DPP10: variants seen among roughly 807,000 people sequenced by gnomAD.
DPP10 encodes the protein inactive dipeptidyl peptidase 10.
In DPP10, 33 loss-of-function variants were observed where a neutral mutation model predicts 120.9. The ratio of observed to expected loss-of-function variants is 0.27; its 90% CI spans 0.21 to 0.37. The LOEUF is 0.37. Ranked by LOEUF, DPP10 falls within the 10% of genes least tolerant of loss-of-function variation. The pLI, the probability that DPP10 is intolerant of heterozygous loss-of-function variation, is 1.00. For synonymous variants in DPP10, 337 were observed against 326.1 expected (o/e 1.03, Z -0.36); for missense variants, 816 against 942.8 (o/e 0.87, Z 1.76).
At chr2:115,237,999 G>A (rs951505035) in intron 1 of DPP10, among the ~76,000 whole-genome samples, 5 of 152,202 alleles carry the variant, frequency 3.3e-5, no homozygotes, top group African/African-American at 1.2e-4. Flanking sequence ...GATCATTGCT[G>A]AAGTTGGCCA....
At chr2:115,297,487 C>A (rs988734473) in intron 1 of DPP10, among the ~76,000 whole-genome samples, 1 of 151,690 alleles carries the variant, frequency 6.6e-6, no homozygotes, top group Non-Finnish European at 1.5e-5. Context: ...CTAAAAGTAA[C>A]TTCAAGATGA....
At chr2:115,261,762 A>G (rs533533547) in intron 1 of DPP10, among the ~76,000 whole-genome samples, 13 of 152,296 alleles carry the variant, frequency 8.5e-5, no homozygotes, top group Admixed American at 7.2e-4. Context: ...TGTGTGGCAG[A>G]GTATCTTATT....
intron 1 of DPP10, among the ~76,000 whole-genome samples, chr2:115,178,839 C>G (rs915139029): frequency 6.6e-6 from 1 of 152,162 alleles, no homozygotes; most frequent in Non-Finnish European, 1.5e-5. Flanking sequence ...CATTGTAAAT[C>G]AAAAATATCA....
intron 1 of DPP10, among the ~76,000 whole-genome samples, chr2:114,517,349 C>T (rs991865871): frequency 6.6e-6 from 1 of 152,050 alleles, no homozygotes; most frequent in East Asian, 1.9e-4. Context: ...GGTGAAACCC[C>T]ATCTCTGCTA....
At chr2:114,988,920 A>G (rs931676686) in intron 1 of DPP10, among the ~76,000 whole-genome samples, 2 of 152,150 alleles carry the variant, frequency 1.3e-5, no homozygotes, top group Admixed American at 6.5e-5. Flanking sequence ...ATTCGAATGC[A>G]AAGATATTTA....
At chr2:114,931,828 G>T (rs1696091631) in intron 1 of DPP10, among the ~76,000 whole-genome samples, 1 of 152,180 alleles carries the variant, frequency 6.6e-6, no homozygotes, top group Non-Finnish European at 1.5e-5. Flanking sequence ...GTAAAATGTT[G>T]GAGGTCCAGT....
At chr2:115,264,014 G>A (rs2059360205) in intron 1 of DPP10, among the ~76,000 whole-genome samples, 1 of 151,972 alleles carries the variant, frequency 6.6e-6, no homozygotes, top group Admixed American at 6.6e-5. Flanking sequence ...AGAAAAAAAT[G>A]GAAGGTAGTT....
At chr2:115,078,944 A>AT (rs891004125) in intron 1 of DPP10, among the ~76,000 whole-genome samples, 3 of 152,140 alleles carry the variant, frequency 2.0e-5, no homozygotes, top group Non-Finnish European at 2.9e-5. Context: ...TTAATGGGCA[A>AT]TTTTTTGATT....
intron 1 of DPP10, among the ~76,000 whole-genome samples, chr2:115,126,752 G>A (rs542167139): frequency 6.6e-6 from 1 of 152,158 alleles, no homozygotes; most frequent in Admixed American, 6.5e-5. Context: ...CCTGATTACA[G>A]GCATTTGTAC....
At chr2:115,329,443 T>C (rs1359144235) in intron 2 of DPP10, among the ~76,000 whole-genome samples, 1 of 152,102 alleles carries the variant, frequency 6.6e-6, no homozygotes, top group African/African-American at 2.4e-5. Context: ...TTGCTTTCTT[T>C]ATTTTTTATT....
intron 1 of DPP10, among the ~76,000 whole-genome samples, chr2:115,277,676 G>T (rs1257589754): frequency 6.6e-6 from 1 of 151,704 alleles, no homozygotes; most frequent in Admixed American, 6.6e-5. Context: ...TTTCTCTTCA[G>T]AAGTAGAAAC....
intron 1 of DPP10, among the ~76,000 whole-genome samples, chr2:114,649,598 C>T (rs897978704): frequency 2.0e-5 from 3 of 152,126 alleles, no homozygotes; most frequent in East Asian, 1.9e-4. Flanking sequence ...ATGATCGGCC[C>T]GCCTCGGCCT....
At chr2:115,587,371 TC>T (rs2082364527) in intron 5 of DPP10, among the ~76,000 whole-genome samples, 2 of 152,172 alleles carry the variant, frequency 1.3e-5, no homozygotes, top group Non-Finnish European at 2.9e-5. Flanking sequence ...GTGAACATTG[TC>T]CTTTTTCCTA....
chr2:114,966,419 T>G (rs757534345), intron 1 of DPP10, among the ~76,000 whole-genome samples: 3 of 152,150 alleles, frequency 2.0e-5, no homozygotes, highest in Non-Finnish European at 4.4e-5. Flanking sequence ...TTTCAAAGAC[T>G]CTGGCTTCCT....
At chr2:115,505,816 T>C (rs1174550366) in intron 4 of DPP10, among the ~76,000 whole-genome samples, 3 of 152,154 alleles carry the variant, frequency 2.0e-5, no homozygotes, top group East Asian at 3.9e-4. Context: ...TATTTCAAAA[T>C]TACTGAGAGT....
rs75700896 is a variant in DPP10 at position 114,598,671 on chromosome 2, G to A, written c.60+155833G>A. On this transcript the variant is annotated intron_variant, in intron 1 of 25. Coordinates refer to ENST00000410059, the MANE Select transcript of DPP10 (RefSeq NM_020868.6). Reference sequence around the variant, plus strand: ...AATAGTGTTAAAATGAAAACAAGAGGTCAAATAAGATGTGAACTGGACAGT... The same window carrying A: ...AATAGTGTTAAAATGAAAACAAGAGATCAAATAAGATGTGAACTGGACAGT... Among the ~76,000 whole-genome samples, 1,084 of 151,892 alleles carry A rather than the reference G, an allele frequency of 7.1e-3. 11 individuals carry two copies. Among genetic ancestry groups the A allele is most frequent in the African/African-American group, 0.025 (1,049 of 41,474 alleles).
intron 1 of DPP10, among the ~76,000 whole-genome samples, chr2:114,919,550 A>G (rs1006600837): frequency 2.6e-5 from 4 of 152,202 alleles, no homozygotes; most frequent in Non-Finnish European, 5.9e-5. Context: ...CATGTTGGTT[A>G]TATAACGCAA....
At chr2:114,608,089 G>A (rs1319945943) in intron 1 of DPP10, among the ~76,000 whole-genome samples, 5 of 152,152 alleles carry the variant, frequency 3.3e-5, no homozygotes, top group East Asian at 1.9e-4. Context: ...TCATTACTCC[G>A]TAACTCTCCA....
intron 3 of DPP10, chr2:115,468,819 T>G (rs2074497011): frequency 4.4e-6 from 2 of 450,580 alleles, no homozygotes; most frequent in South Asian, 3.4e-5. Context: ...GTGCCCTCTG[T>G]GCTTATTCAG....
Sources: allele counts gnomAD v4.1 joint callset (sites outside exome capture counted in the v4.1 genomes callset), GRCh38; gene constraint gnomAD v4.1.1; transcripts MANE v1.5; gene names NCBI Gene and HGNC (gene_info 2026-07-23, HGNC 2026-07-21).